The following IGF2R variants were observed in gnomAD, a reference collection of about 807,000 sequenced individuals.
The protein encoded by IGF2R is insulin like growth factor 2 receptor.
IGF2R carries 91 observed loss-of-function variants against 270.6 expected under a neutral mutation model. The observed-to-expected ratio is 0.34, with a 90% CI of 0.28 to 0.40. The LOEUF (loss-of-function observed/expected upper bound fraction) is 0.40, where lower values mean the gene tolerates loss of function less well. IGF2R is among the 10% of genes least tolerant of loss of function. The probability of loss-of-function intolerance (pLI) is 1.00; values close to 1 mark genes in which losing one functional copy is unlikely to be tolerated. For synonymous variants in IGF2R, 1,316 were observed against 1,258.9 expected, an observed-to-expected ratio of 1.05 and a Z score of -0.96; for missense variants, 2,805 against 3,188.3, an observed-to-expected ratio of 0.88 and a Z score of 2.90.
intron 35 of IGF2R, among the ~76,000 whole-genome samples, chr6:160,074,600 G>A (rs1403687585): frequency 6.6e-6 from 1 of 152,138 alleles, no homozygotes; most frequent in Non-Finnish European, 1.5e-5. Flanking sequence ...TAGAAATTTG[G>A]ATCTTTAAAA....
At chr6:160,100,580 C>G (rs972976759) in intron 45 of IGF2R, among the ~76,000 whole-genome samples, 4 of 152,058 alleles carry the variant, frequency 2.6e-5, no homozygotes, top group Admixed American at 2.0e-4. Context: ...AAGATTGAGA[C>G]AGCACAGTGA....
intron 39 of IGF2R, among the ~76,000 whole-genome samples, chr6:160,082,735 A>G (rs575643632): frequency 1.4e-4 from 21 of 152,336 alleles, no homozygotes; most frequent in African/African-American, 4.3e-4. Flanking sequence ...AGCTGGGTCT[A>G]TTTGGAGTCA....
At chr6:160,101,000 C>G (rs1466979177) in intron 45 of IGF2R, among the ~76,000 whole-genome samples, 5 of 151,552 alleles carry the variant, frequency 3.3e-5, no homozygotes, top group Admixed American at 2.0e-4. Flanking sequence ...CCATGTTGGC[C>G]AGGCTGGTCT....
intron 22 of IGF2R, among the ~76,000 whole-genome samples, chr6:160,060,045 C>T (rs1014026508): frequency 3.3e-5 from 5 of 152,256 alleles, no homozygotes; most frequent in Non-Finnish European, 5.9e-5. Context: ...ACATAGGCCG[C>T]TGTTGCAGTG....
Position 160,050,670 on chromosome 6 carries a change from G to A in IGF2R, c.2694+18G>A. The A allele has an allele frequency of 1.3e-6, 2 of 1,583,696 alleles. No homozygotes were observed. Among genetic ancestry groups the A allele is most frequent in the South Asian group, 1.1e-5 (1 of 88,700 alleles). ...GCAGGCTGGTAAGGCACTGCTGCTG[G>A]CTGGTGACCTTCACTGCTGCATTTT... is the stretch of plus-strand genomic sequence containing the variant. On this transcript the variant is annotated intron_variant, in intron 19 of 47. Transcript: ENST00000356956. The surrounding 1 kb of genome is among the most constrained non-coding windows in gnomAD (Gnocchi z 4.0).
At position 160,060,558 on chromosome 6, in the gene IGF2R, G is replaced by A. The variant is rs1404286976; in HGVS notation, c.3103G>A (p.Ala1035Thr). 6.2e-7 allele frequency: 1 copy of A among 1,614,154 alleles called. No homozygotes were observed. Among genetic ancestry groups the A allele is most frequent in the Non-Finnish European group, 8.5e-7 (1 of 1,180,054 alleles). Residue 1035 changes from alanine to threonine, a missense_variant, in exon 23 of 48, where the codon GCT (alanine) becomes ACT (threonine). This residue lies in a region of IGF2R where 1,851 missense variants were observed against 2,207.2 expected (regional missense o/e 0.84). Coordinates refer to ENST00000356956, the MANE Select transcript of IGF2R (RefSeq NM_000876.4). ...GPLSAKGTADAFIVRFVCNDD... is the reference protein window; with the variant it reads ...GPLSAKGTADTFIVRFVCNDD... ...TTCTTGCTTTACAGGTACCGCTGATGCTTTTATCGTCCGCTTTGTTTGCAA... is the reference window on the plus strand; with the variant it reads ...TTCTTGCTTTACAGGTACCGCTGATACTTTTATCGTCCGCTTTGTTTGCAA...
At chr6:159,981,433 C>T (rs1295275505) in intron 1 of IGF2R, among the ~76,000 whole-genome samples, 1 of 152,168 alleles carries the variant, frequency 6.6e-6, no homozygotes, top group African/African-American at 2.4e-5. Flanking sequence ...CCCGTCTCTC[C>T]CTCCAGTTCC....
intron 1 of IGF2R, among the ~76,000 whole-genome samples, chr6:159,985,539 C>T (rs888140731): frequency 2.6e-5 from 4 of 152,228 alleles, no homozygotes; most frequent in African/African-American, 9.7e-5. Flanking sequence ...GGCCAGTTTC[C>T]TTCTCAAGCC....
At chr6:160,092,743 C>A (rs1779254441) in intron 44 of IGF2R, among the ~76,000 whole-genome samples, 1 of 152,204 alleles carries the variant, frequency 6.6e-6, no homozygotes, top group Admixed American at 6.5e-5. Context: ...GAATGTGGGG[C>A]CCTCCCGGAG....
At chr6:160,062,386 C>G (rs779547222) in intron 25 of IGF2R, 146 bp from the exon 26 acceptor site, 2 of 651,498 alleles carry the variant, frequency 3.1e-6, no homozygotes, top group Non-Finnish European at 2.7e-6. Flanking sequence ...CTTGGCCAGG[C>G]TGATCTTGAA....
chr6:160,005,748 C>A (rs1784212835), intron 2 of IGF2R: 1 of 97,442 alleles, frequency 1.0e-5, no homozygotes, highest in Non-Finnish European at 2.1e-5. Context: ...CCGCCCCATT[C>A]TCTCCCCTCC....
At chr6:160,076,858 C>T (rs4709396) in intron 36 of IGF2R, among the ~76,000 whole-genome samples, 9,280 of 152,266 alleles carry the variant, frequency 0.061, 638 homozygotes, top group East Asian at 0.33. Flanking sequence ...GTGAGAATTG[C>T]CTCTTAAAAT....
At chr6:160,057,992 C>A (rs761209333) in intron 20 of IGF2R, 31 bp from the exon 21 acceptor site, 4 of 1,379,780 alleles carry the variant, frequency 2.9e-6, no homozygotes, top group Non-Finnish European at 4.1e-6. Flanking sequence ...GGTTTGAATG[C>A]GCCCCTTTTT....
chr6:160,072,691 A>G, intron 32 of IGF2R, 74 bp from the exon 33 acceptor site: 2 of 1,549,124 alleles, frequency 1.3e-6, no homozygotes, highest in Non-Finnish European at 1.8e-6. Flanking sequence ...TCTGTGTGTG[A>G]GCTCGCCGAT....
chr6:159,970,958 T>C (rs1016167912), intron 1 of IGF2R, among the ~76,000 whole-genome samples: 3 of 152,190 alleles, frequency 2.0e-5, no homozygotes, highest in South Asian at 2.1e-4. Flanking sequence ...CACACTCCTG[T>C]CCTCCCAGTT....
chr6:160,044,696 T>C (rs773391825), intron 13 of IGF2R, 39 bp downstream of exon 13: 1 of 1,530,614 alleles, frequency 6.5e-7, no homozygotes, highest in East Asian at 2.2e-5. Flanking sequence ...TTCTGGCTTC[T>C]GCCAGAGGTC....
intron 11 of IGF2R, among the ~76,000 whole-genome samples, chr6:160,042,460 C>T: frequency 6.6e-6 from 1 of 152,202 alleles, no homozygotes; most frequent in Non-Finnish European, 1.5e-5. Flanking sequence ...TTGTAAGTTA[C>T]TCCTTCAGCG....
chr6:160,009,394 C>T (rs1244502719), intron 3 of IGF2R, among the ~76,000 whole-genome samples: 1 of 152,150 alleles, frequency 6.6e-6, no homozygotes, highest in Admixed American at 6.5e-5. Flanking sequence ...AAAATCAGTG[C>T]ACTGTTTAAT....
At chr6:159,979,062 T>C (rs1783739033) in intron 1 of IGF2R, among the ~76,000 whole-genome samples, 1 of 152,188 alleles carries the variant, frequency 6.6e-6, no homozygotes, top group Admixed American at 6.5e-5. Flanking sequence ...CTGTGGGCTA[T>C]GGCCTAGAGG....
Sources: gnomAD v4.1 joint callset for allele counts (sites outside exome capture counted in the v4.1 genomes callset) on GRCh38, gnomAD v4.1.1 for gene constraint, gnomAD v4.1.1 regional missense constraint, Gnocchi (gnomAD v3.1) non-coding constraint, MANE v1.5 for transcripts, NCBI Gene and HGNC (gene_info 2026-07-23, HGNC 2026-07-21) for gene names.